Variants in ASAP2 observed in about 807,000 individuals in gnomAD.
ASAP2 encodes ArfGAP with SH3 domain, ankyrin repeat and PH domain 2.
Under a neutral mutation model 131.4 loss-of-function variants are expected in ASAP2, and 45 were observed. The observed-to-expected ratio is 0.34, with a 90% confidence interval of 0.27 to 0.44. The LOEUF (loss-of-function observed/expected upper bound fraction) is 0.44, where lower values mean the gene tolerates loss of function less well. Ranked by LOEUF, ASAP2 falls within the 20% of genes least tolerant of loss-of-function variation. The pLI is 1.00. For synonymous variants in ASAP2, 510 were observed against 503.0 expected (o/e 1.01, Z -0.19); for missense variants, 1,011 against 1,297.0 (o/e 0.78, Z 3.39).
intron 2 of ASAP2, among the ~76,000 whole-genome samples, chr2:9,290,145 C>G (rs980837923): frequency 6.6e-6 from 1 of 152,152 alleles, no homozygotes; most frequent in East Asian, 1.9e-4. Flanking sequence ...GTGTCCCTCC[C>G]GTCACCTTGT....
At chr2:9,316,059 C>G (rs957137999) in intron 3 of ASAP2, among the ~76,000 whole-genome samples, 5 of 152,066 alleles carry the variant, frequency 3.3e-5, no homozygotes, top group African/African-American at 1.2e-4. Flanking sequence ...TGGCTCATGC[C>G]TGTAATCCCA....
At chr2:9,340,536 A>C (rs1043173042) in intron 9 of ASAP2, among the ~76,000 whole-genome samples, 1 of 152,242 alleles carries the variant, frequency 6.6e-6, no homozygotes, top group Non-Finnish European at 1.5e-5. Context: ...TGGCTCAGCA[A>C]GGCTTCCAGC....
At chr2:9,209,074 C>CT (rs1661351172) in intron 1 of ASAP2, among the ~76,000 whole-genome samples, 1 of 152,182 alleles carries the variant, frequency 6.6e-6, no homozygotes, top group African/African-American at 2.4e-5. Context: ...GGAGATTACC[C>CT]TAGAGCTCAG....
intron 1 of ASAP2, among the ~76,000 whole-genome samples, chr2:9,274,630 CAATCTT>C (rs201234579): frequency 0.016 from 2,406 of 152,166 alleles, 57 homozygotes; most frequent in African/African-American, 0.055. Context: ...GCCTAACACT[CAATCTT>C]AAACAATCAT....
chr2:9,326,473 T>C (rs1158823718), intron 6 of ASAP2, among the ~76,000 whole-genome samples: 1 of 126,706 alleles, frequency 7.9e-6, no homozygotes, highest in Non-Finnish European at 1.7e-5. Context: ...GGAGAAGGCG[T>C]GAGAAGATCC....
At chr2:9,329,254 G>A (rs1670677939) in intron 7 of ASAP2, among the ~76,000 whole-genome samples, 1 of 152,204 alleles carries the variant, frequency 6.6e-6, no homozygotes, top group African/African-American at 2.4e-5. Context: ...GATGTGGATG[G>A]CCCCAGACAT....
chr2:9,317,750 ACT>A (rs1437035838), intron 3 of ASAP2, among the ~76,000 whole-genome samples: 6 of 150,748 alleles, frequency 4.0e-5, no homozygotes, highest in South Asian at 4.2e-4. Context: ...CCACACTCAC[ACT>A]CACATCCGTA....
intron 1 of ASAP2, among the ~76,000 whole-genome samples, chr2:9,226,276 T>A (rs1370766315): frequency 1.3e-5 from 2 of 152,210 alleles, no homozygotes; most frequent in African/African-American, 4.8e-5. Context: ...GATCACCCAC[T>A]TATTTATTCA....
rs1376309012 is a variant in ASAP2 at position 9,217,109 on chromosome 2, A to G, written c.126+9879A>G. On this transcript the variant is annotated intron_variant, in intron 1 of 27. Coordinates refer to ENST00000281419, the MANE Select transcript of ASAP2 (RefSeq NM_003887.3). The surrounding 1 kb of genome is among the most constrained non-coding windows in gnomAD (Gnocchi z 4.0). ...AAGCATTTTGACACCAGAGTCTGCT[A>G]TTTCTTTTAGCAGCCAACAGCCTCT... Among the ~76,000 whole-genome samples, 1 of 152,030 alleles carries G rather than the reference A, an allele frequency of 6.6e-6. No homozygotes were observed. The highest frequency in any genetic ancestry group is 2.4e-5 in the African/African-American group (1 of 41,384).
chr2:9,225,411 G>A (rs1662688670), intron 1 of ASAP2, among the ~76,000 whole-genome samples: 1 of 152,094 alleles, frequency 6.6e-6, no homozygotes, highest in Non-Finnish European at 1.5e-5. Context: ...GGTGACCCAG[G>A]GACCTGCTGC....
At chr2:9,398,732 C>T (rs1434076928) in intron 24 of ASAP2, 1 of 151,964 alleles carries the variant, frequency 6.6e-6, no homozygotes, top group African/African-American at 2.4e-5. Flanking sequence ...TTGCTTGAAC[C>T]CGGGTGGCAG....
At chr2:9,320,893 C>T (rs1670110110) in intron 5 of ASAP2, among the ~76,000 whole-genome samples, 1 of 152,146 alleles carries the variant, frequency 6.6e-6, no homozygotes, top group Non-Finnish European at 1.5e-5. Context: ...AATTGGTTTC[C>T]TGACCCGAAG....
At chr2:9,242,883 TGCACATTA>T (rs1381565770) in intron 1 of ASAP2, among the ~76,000 whole-genome samples, 1 of 152,186 alleles carries the variant, frequency 6.6e-6, no homozygotes, top group Admixed American at 6.5e-5. Context: ...AAGACATTGG[TGCACATTA>T]GCTCCTGCTT....
At chr2:9,293,683 G>A (rs1305073995) in intron 2 of ASAP2, among the ~76,000 whole-genome samples, 3 of 152,160 alleles carry the variant, frequency 2.0e-5, no homozygotes, top group African/African-American at 7.2e-5. Context: ...AGGGATGGCT[G>A]TTGTCGTGGT....
At chr2:9,235,710 G>A (rs1449426759) in intron 1 of ASAP2, among the ~76,000 whole-genome samples, 1 of 152,202 alleles carries the variant, frequency 6.6e-6, no homozygotes, top group African/African-American at 2.4e-5. Flanking sequence ...GGGCTGGGTA[G>A]GGCAGAGTGA....
chr2:9,314,108 C>T (rs1385586631), intron 3 of ASAP2, among the ~76,000 whole-genome samples: 1 of 152,142 alleles, frequency 6.6e-6, no homozygotes, highest in African/African-American at 2.4e-5. Context: ...CTCAGCCTCC[C>T]GAGTAGCTAG....
chr2:9,288,472 TG>T (rs759663172), intron 2 of ASAP2, among the ~76,000 whole-genome samples: 5 of 152,004 alleles, frequency 3.3e-5, no homozygotes. Flanking sequence ...TCCATGGAGT[TG>T]GGTGGGGGCA....
intron 14 of ASAP2, among the ~76,000 whole-genome samples, chr2:9,357,169 G>C (rs1432568888): frequency 6.8e-6 from 1 of 146,976 alleles, no homozygotes; most frequent in Admixed American, 6.7e-5. Flanking sequence ...TTTGGCCTTG[G>C]ATCCATTAAA....
chr2:9,260,077 C>G (rs896802768), intron 1 of ASAP2, among the ~76,000 whole-genome samples: 1 of 152,220 alleles, frequency 6.6e-6, no homozygotes, highest in African/African-American at 2.4e-5. Flanking sequence ...CCTGATGGCT[C>G]TGCTATGGAG....
Sources: gnomAD v4.1 joint callset for allele counts (sites outside exome capture counted in the v4.1 genomes callset) on GRCh38, gnomAD v4.1.1 for gene constraint, Gnocchi (gnomAD v3.1) non-coding constraint, MANE v1.5 for transcripts, NCBI Gene and HGNC (gene_info 2026-07-23, HGNC 2026-07-21) for gene names.